Variants in PLXNA1 observed in about 807,000 individuals in gnomAD.
PLXNA1 encodes the protein plexin A1.
PLXNA1 carries 77 observed loss-of-function variants against 191.7 expected under a neutral mutation model. The observed-to-expected ratio is 0.40, with a 90% CI of 0.33 to 0.49. The LOEUF (loss-of-function observed/expected upper bound fraction) is 0.49. Among genes scored for constraint, PLXNA1 ranks in the 20% least tolerant of loss-of-function variants. The probability of loss-of-function intolerance (pLI) is 0.63; values close to 1 mark genes in which losing one functional copy is unlikely to be tolerated. For synonymous variants in PLXNA1, 1,137 were observed against 1,156.4 expected (o/e 0.98, Z 0.34); for missense variants, 2,110 against 2,660.2 (o/e 0.79, Z 4.55).
chr3:127,025,255 C>T (rs748594313), intron 23 of PLXNA1, among the ~76,000 whole-genome samples: 2 of 152,176 alleles, frequency 1.3e-5, no homozygotes, highest in South Asian at 2.1e-4. Context: ...CCTTGGCACC[C>T]GTTGATCTCA....
chr3:127,032,411 C>T lies in PLXNA1; in HGVS notation c.5256C>T (p.Asn1752=), dbSNP rs751372351. The change falls in exon 30 of 32, where the codon AAC becomes AAT. Residue 1752 remains asparagine (N), a synonymous_variant. Coordinates refer to ENST00000393409, the MANE Select transcript of PLXNA1 (RefSeq NM_032242.4). ...GCCTGCCCCTGCGCTTCTGGGTGAA[C>T]GTGATCAAGAACCCACAGTTTGTGT... ...SNCLPLRFWV[N]VIKNPQFVFD... 26 of 1,613,870 alleles carry T rather than the reference C, an allele frequency of 1.6e-5. No homozygotes were observed. Among genetic ancestry groups the T allele is most frequent in the Non-Finnish European group, 1.9e-5 (22 of 1,179,988 alleles).
intron 17 of PLXNA1, 149 bp downstream of exon 17, chr3:127,017,186 G>A: frequency 1.0e-6 from 1 of 973,588 alleles, no homozygotes. Flanking sequence ...GACCCCTGGG[G>A]AGGCACCTGT....
Position 126,988,911 on chromosome 3 carries a change from C to T in PLXNA1, c.318C>T (p.His106=), listed in dbSNP as rs770280214. The T allele has an allele frequency of 2.1e-5, 34 of 1,613,158 alleles. No homozygotes were observed. The highest frequency in any genetic ancestry group is 1.3e-4 in the East Asian group (6 of 44,900). The change falls in exon 2 of 32, where the codon CAC becomes CAT. Residue 106 remains histidine (H), a synonymous_variant. Transcript: ENST00000393409. ...YPPPSVQSCP[H]GLGSTDNVNK... ...CGCCCAGCGTGCAGTCCTGCCCCCA[C>T]GGCCTGGGCAGTACTGACAACGTCA... is the stretch of plus-strand genomic sequence containing the variant.
At chr3:127,015,030 C>G (rs2079115935) in intron 14 of PLXNA1, among the ~76,000 whole-genome samples, 154 bp from the exon 15 acceptor site, 1 of 152,190 alleles carries the variant, frequency 6.6e-6, no homozygotes, top group South Asian at 2.1e-4. Flanking sequence ...GCCTGAGAAA[C>G]CTGGAAGTAC....
chr3:127,026,698 G>A (rs983497136), intron 23 of PLXNA1: 1 of 152,278 alleles, frequency 6.6e-6, no homozygotes, highest in Admixed American at 6.5e-5. Context: ...CTAACGAGGT[G>A]CCTGGAGCCT....
In PLXNA1 at chr3:127,014,746, G is replaced by A. The variant is rs762568727; in HGVS notation, c.2792G>A (p.Arg931His). 19 of 1,612,136 alleles carry A rather than the reference G, an allele frequency of 1.2e-5. 1 individual carries two copies. The highest frequency in any genetic ancestry group is 9.9e-5 in the South Asian group (9 of 91,036). The part of the protein sequence containing the change: ...VCEIGDASSV[R>H]AHDALVEVCV... Reference sequence around the variant, plus strand: ...GAGATCGGGGACGCCAGCTCCGTGCGTGCCCATGACGCCCTGGTGGAGGTG... The same window carrying A: ...GAGATCGGGGACGCCAGCTCCGTGCATGCCCATGACGCCCTGGTGGAGGTG... The change falls in exon 14 of 32, where the codon CGT becomes CAT. Residue 931 changes from arginine (R) to histidine (H), a missense_variant. Physicochemically the swap from Arg to His is conservative, Grantham distance 29. Coordinates refer to ENST00000393409, the MANE Select transcript of PLXNA1 (RefSeq NM_032242.4).
At chr3:127,012,616 A>G (rs762457812) in intron 10 of PLXNA1, among the ~76,000 whole-genome samples, 16 of 152,268 alleles carry the variant, frequency 1.1e-4, no homozygotes, top group Non-Finnish European at 2.2e-4. Context: ...ATCCCTGGCC[A>G]AATGCAGAAA....
At chr3:127,016,874 G>A in intron 16 of PLXNA1, 70 bp from the exon 17 acceptor site, 1 of 1,456,344 alleles carries the variant, frequency 6.9e-7, no homozygotes, top group Non-Finnish European at 9.5e-7. Context: ...TGGCTGAGCT[G>A]TGGCCCACGT....
chr3:126,989,021 T>C lies in PLXNA1; in HGVS notation c.428T>C (p.Leu143Pro). 6.2e-7 allele frequency: 1 copy of C among 1,613,324 alleles called. No individual in the cohort carries two copies. The change falls in exon 2 of 32, where the codon CTG becomes CCG. Residue 143 changes from leucine to proline, a missense_variant. Around this residue, in one of 4 missense-constraint regions of PLXNA1, gnomAD observed 903 missense variants for 1,015.7 expected, o/e 0.89. Coordinates refer to ENST00000393409, the MANE Select transcript of PLXNA1 (RefSeq NM_032242.4). Reference protein sequence around the residue: ...ASQGICQFLRLDDLFKLGEPH... With the variant: ...ASQGICQFLRPDDLFKLGEPH... ...CAGGGCATCTGCCAGTTCCTGCGTC[T>C]GGACGATCTCTTCAAACTGGGTGAG...
At chr3:127,032,365 G>A in intron 29 of PLXNA1, 22 bp from the exon 30 acceptor site, 2 of 1,611,192 alleles carry the variant, frequency 1.2e-6, no homozygotes, top group South Asian at 1.1e-5. Context: ...TATCTGAGCA[G>A]CGCCTGGACT....
intron 3 of PLXNA1, among the ~76,000 whole-genome samples, chr3:126,993,455 G>A (rs1252734095): frequency 6.6e-6 from 1 of 152,188 alleles, no homozygotes; most frequent in Non-Finnish European, 1.5e-5. Flanking sequence ...GCTGGATGGT[G>A]CAGCTGGGAA....
At chr3:127,011,914 C>T in intron 9 of PLXNA1, 44 bp from the exon 10 acceptor site, 1 of 1,576,008 alleles carries the variant, frequency 6.3e-7, no homozygotes, top group Non-Finnish European at 8.7e-7. Context: ...ACCTTGCTCA[C>T]TGGTCTCCGC....
intron 3 of PLXNA1, among the ~76,000 whole-genome samples, chr3:127,001,897 T>C (rs2079042421): frequency 6.6e-6 from 1 of 152,226 alleles, no homozygotes; most frequent in Non-Finnish European, 1.5e-5. Context: ...CGCCTGGGTC[T>C]GAGTACCTGC....
intron 1 of PLXNA1, among the ~76,000 whole-genome samples, chr3:126,983,570 C>T (rs1487293530): frequency 2.0e-5 from 3 of 146,954 alleles, no homozygotes; most frequent in Non-Finnish European, 3.0e-5. Context: ...CCCCGTGCGG[C>T]GGGGCTGGGA....
At chr3:127,007,736 G>C in intron 8 of PLXNA1, 63 bp from the exon 9 acceptor site, 1 of 1,030,062 alleles carries the variant, frequency 9.7e-7, no homozygotes, top group Non-Finnish European at 1.5e-6. Flanking sequence ...GTGTCCTTCT[G>C]ATCATGGGTG....
In PLXNA1 at chr3:127,032,698, C is replaced by T; in HGVS notation, c.5457C>T (p.Asp1819=). The part of the protein sequence containing the change: ...YKSWVERYYA[D]IAKMPAISDQ... ...CACTCACCTGCAGGTACTATGCAGA[C>T]ATCGCCAAGATGCCAGCCATCAGCG... Residue 1819 remains aspartate, a synonymous_variant, in exon 31 of 32, where the codon GAC becomes GAT. Coordinates refer to ENST00000393409, the MANE Select transcript of PLXNA1 (RefSeq NM_032242.4). 6.2e-7 allele frequency: 1 copy of T among 1,613,274 alleles called. No homozygotes were observed. Among genetic ancestry groups the T allele is most frequent in the Non-Finnish European group, 8.5e-7 (1 of 1,179,962 alleles).
In PLXNA1 at chr3:127,004,996, G is replaced by C. The variant is rs2079058868; in HGVS notation, c.1731G>C (p.Met577Ile). 51 of 1,609,022 alleles carry C rather than the reference G, an allele frequency of 3.2e-5. No homozygotes were observed. The highest frequency in any genetic ancestry group is 4.0e-5 in the Non-Finnish European group (47 of 1,177,050). ...TVQPRNVSVT[M>I]SQVPLVLQAW... ...AGCCCCGCAATGTGTCTGTCACCAT[G>C]TCCCAGGTCCCAGTAAGTGTGGCAC... Residue 577 changes from methionine to isoleucine, a missense_variant, in exon 6 of 32, where the codon ATG (methionine) becomes ATC (isoleucine). This residue lies in a region of PLXNA1 where 903 missense variants were observed against 1,015.7 expected (regional missense o/e 0.89). Coordinates refer to ENST00000393409, the MANE Select transcript of PLXNA1 (RefSeq NM_032242.4).
chr3:126,996,980 G>A (rs1041958925), intron 3 of PLXNA1, among the ~76,000 whole-genome samples: 4 of 152,298 alleles, frequency 2.6e-5, no homozygotes, highest in South Asian at 2.1e-4. Context: ...TACCATCCCC[G>A]GCAGCCCCTC....
rs779804696 is a variant in PLXNA1, at chr3:127,016,550, C to T, written c.3048C>T (p.Pro1016=). The change falls in exon 16 of 32, where the codon CCC becomes CCT. Residue 1016 remains proline, a synonymous_variant. Transcript: ENST00000393409. The part of the protein sequence containing the change: ...RNSREIRCLT[P]PGQSPGSAPI... ...CCCGTGAGATCCGGTGCCTGACACC[C>T]CCCGGGCAGAGCCCTGGCAGCGCTC... 2 of 1,613,836 alleles carry T rather than the reference C, an allele frequency of 1.2e-6. No individual in the cohort carries two copies. The highest frequency in any genetic ancestry group is 1.3e-5 in the African/African-American group (1 of 75,024).
Sources: gnomAD v4.1 joint callset for allele counts (sites outside exome capture counted in the v4.1 genomes callset) on GRCh38, gnomAD v4.1.1 for gene constraint, gnomAD v4.1.1 regional missense constraint, MANE v1.5 for transcripts, NCBI Gene and HGNC (gene_info 2026-07-23, HGNC 2026-07-21) for gene names.